The following GPM6B variants were observed in gnomAD, a reference collection of about 807,000 sequenced individuals.
GPM6B encodes glycoprotein M6B.
GPM6B carries 4 observed loss-of-function variants against 27.2 expected under a neutral mutation model. The observed-to-expected ratio is 0.15, with a 90% CI of 0.07 to 0.34. The LOEUF (loss-of-function observed/expected upper bound fraction) is 0.34. Among genes scored for constraint, GPM6B ranks in the 10% least tolerant of loss-of-function variants. GPM6B has a pLI of 1.00. For synonymous variants in GPM6B, 124 were observed against 103.1 expected (o/e 1.20, Z -1.23); for missense variants, 183 against 261.9 (o/e 0.70, Z 2.08).
At chrX:13,855,563 G>C (rs905936366) in intron 1 of GPM6B, among the ~76,000 whole-genome samples, 1 of 111,875 alleles carries the variant, frequency 8.9e-6, no homozygotes, top group Non-Finnish European at 1.9e-5. Flanking sequence ...TCCAGTGTTT[G>C]GCTACAACGA....
chrX:13,889,750 A>G (rs2050171672), intron 1 of GPM6B: 1 of 72,469 alleles, frequency 1.4e-5, no homozygotes, highest in South Asian at 1.1e-3. Context: ...CCATTTCCAG[A>G]ACTTTTTTTT....
intron 1 of GPM6B, among the ~76,000 whole-genome samples, chrX:13,905,147 T>C (rs148438848): frequency 0.014 from 1,432 of 104,194 alleles, 23 homozygotes; most frequent in African/African-American, 0.048. Flanking sequence ...AAGAGGATCG[T>C]TTGAGCCCAG....
At chrX:13,851,362 A>C (rs978504398) in intron 1 of GPM6B, among the ~76,000 whole-genome samples, 1 of 110,466 alleles carries the variant, frequency 9.1e-6, no homozygotes, top group African/African-American at 3.3e-5. Context: ...TTACCTGTAG[A>C]GTGAAAATGA....
chrX:13,848,686 C>T (rs982161766), intron 1 of GPM6B, among the ~76,000 whole-genome samples: 2 of 111,737 alleles, frequency 1.8e-5, no homozygotes, highest in Admixed American at 9.5e-5. Context: ...GGAAACAATA[C>T]GGAAGTTTCT....
chrX:13,923,527 G>A (rs979414502), intron 1 of GPM6B, among the ~76,000 whole-genome samples: 2 of 112,606 alleles, frequency 1.8e-5, no homozygotes, highest in Non-Finnish European at 3.7e-5. Context: ...TACAGCCCAA[G>A]TGCTGGCCCC....
chrX:13,904,094 A>G (rs1014538571), intron 1 of GPM6B, among the ~76,000 whole-genome samples: 2 of 111,927 alleles, frequency 1.8e-5, no homozygotes, highest in African/African-American at 6.5e-5. Context: ...TATACATAGC[A>G]TTAGAAAGAA....
intron 7 of GPM6B, 150 bp from the exon 8 acceptor site, chrX:13,773,180 T>C (rs548620795): frequency 2.4e-6 from 1 of 421,835 alleles, no homozygotes. Flanking sequence ...TGTCAGATCC[T>C]GAAAGCATGC....
chrX:13,893,222 A>T (rs2050203515), intron 1 of GPM6B, among the ~76,000 whole-genome samples: 1 of 111,472 alleles, frequency 9.0e-6, no homozygotes, highest in Non-Finnish European at 1.9e-5. Flanking sequence ...ATATCAAGTC[A>T]AAGATTTTCA....
At chrX:13,863,617 C>T (rs2049876949) in intron 1 of GPM6B, among the ~76,000 whole-genome samples, 1 of 112,009 alleles carries the variant, frequency 8.9e-6, no homozygotes, top group Non-Finnish European at 1.9e-5. Flanking sequence ...TTCTTTCTCC[C>T]TTCTGAAATG....
At chrX:13,829,726 T>C (rs1031730723) in intron 1 of GPM6B, among the ~76,000 whole-genome samples, 1 of 111,432 alleles carries the variant, frequency 9.0e-6, no homozygotes, top group South Asian at 3.8e-4. Context: ...GGAACTGAGA[T>C]GAATAAGATA....
intron 5 of GPM6B, among the ~76,000 whole-genome samples, chrX:13,779,245 T>C (rs781158407): frequency 4.5e-5 from 5 of 112,068 alleles, no homozygotes; most frequent in Non-Finnish European, 7.5e-5. Context: ...ATTGTAAGGA[T>C]CTCACTCATT....
intron 1 of GPM6B, 96 bp from the exon 2 acceptor site, chrX:13,807,865 G>A (rs1387678810): frequency 1.2e-6 from 1 of 852,403 alleles, no homozygotes; most frequent in African/African-American, 2.0e-5. Flanking sequence ...AAAGGAAATG[G>A]GGAGTTTAAA....
chrX:13,814,520 A>G (rs2049198052), intron 1 of GPM6B, among the ~76,000 whole-genome samples: 1 of 112,830 alleles, frequency 8.9e-6, no homozygotes, highest in Non-Finnish European at 1.9e-5. Flanking sequence ...TAATTATGTC[A>G]AGTTTTCAAA....
At chrX:13,850,651 G>A (rs997331399) in intron 1 of GPM6B, among the ~76,000 whole-genome samples, 12 of 111,838 alleles carry the variant, frequency 1.1e-4, no homozygotes, top group African/African-American at 3.9e-4. Flanking sequence ...GTGAGTATGG[G>A]CAATATACTT....
chrX:13,915,659 G>T (rs1245252150), intron 1 of GPM6B, among the ~76,000 whole-genome samples: 2 of 112,662 alleles, frequency 1.8e-5, no homozygotes, highest in African/African-American at 6.5e-5. Context: ...CTTACACATA[G>T]TAAGGACTCA....
intron 1 of GPM6B, among the ~76,000 whole-genome samples, chrX:13,923,178 G>GGAA (rs1569308663): frequency 1.0e-5 from 1 of 99,731 alleles, no homozygotes; most frequent in Non-Finnish European, 2.0e-5. Context: ...CTCCGTCTCA[G>GGAA]AAAAAAAAAA....
chrX:13,833,271 C>T (rs752109624), intron 1 of GPM6B, among the ~76,000 whole-genome samples: 2 of 111,221 alleles, frequency 1.8e-5, no homozygotes, highest in Non-Finnish European at 3.8e-5. Flanking sequence ...ACTGTATTGC[C>T]GAAACAAATG....
At chrX:13,846,790 C>CTTTTTTTTTTTTTTTTTTTT (rs10656571) in intron 1 of GPM6B, among the ~76,000 whole-genome samples, 1 of 85,435 alleles carries the variant, frequency 1.2e-5, no homozygotes. Context: ...ACTGCGCCAG[C>CTTTTTTTTTTTTTTTTTTTT]TTTTTTTTTT....
intron 1 of GPM6B, among the ~76,000 whole-genome samples, chrX:13,838,588 G>A (rs145105567): frequency 0.01 from 1,170 of 111,714 alleles, 4 homozygotes; most frequent in Non-Finnish European, 0.015. Context: ...CTAAGACAAG[G>A]CCAGTGACAT....
Sources: allele counts gnomAD v4.1 joint callset (sites outside exome capture counted in the v4.1 genomes callset), GRCh38; gene constraint gnomAD v4.1.1; transcripts MANE v1.5; gene names NCBI Gene and HGNC (gene_info 2026-07-23, HGNC 2026-07-21).